The following SCRG1 variants were observed in gnomAD, a reference collection of about 807,000 sequenced individuals.
The protein encoded by SCRG1 is stimulator of chondrogenesis 1.
Under a neutral mutation model 7.7 loss-of-function variants are expected in SCRG1, and 3 were observed. The observed-to-expected ratio is 0.39, with a 90% CI of 0.18 to 1.01. The LOEUF (loss-of-function observed/expected upper bound fraction) is 1.01, where lower values mean the gene tolerates loss of function less well. Among genes scored for constraint, SCRG1 ranks in the 50% least tolerant of loss-of-function variants. The pLI, the probability that SCRG1 is intolerant of heterozygous loss-of-function variation, is 0.36. For missense variants in SCRG1, 110 were observed against 117.2 expected (o/e 0.94, Z 0.28); for synonymous variants, 46 against 41.2 (o/e 1.12, Z -0.44).
the SCRG1 span, among the ~76,000 whole-genome samples, chr4:173,463,585 T>C: frequency 6.6e-6 from 1 of 152,224 alleles, no homozygotes; most frequent in Non-Finnish European, 1.5e-5. Flanking sequence ...AAAGAAAGGC[T>C]GTACCATTGA....
chr4:173,469,729 C>T, the SCRG1 span: 10 of 152,198 alleles, frequency 6.6e-5, no homozygotes, highest in Non-Finnish European at 1.5e-4. Flanking sequence ...GGAGAAGAAA[C>T]CATCCTCCCA....
the SCRG1 span, among the ~76,000 whole-genome samples, chr4:173,516,912 A>C: frequency 6.6e-6 from 1 of 152,218 alleles, no homozygotes; most frequent in Non-Finnish European, 1.5e-5. Context: ...GGGGGCCGAG[A>C]GAGCGGTGAT....
the SCRG1 span, among the ~76,000 whole-genome samples, chr4:173,514,078 G>T: frequency 6.6e-6 from 1 of 152,140 alleles, no homozygotes; most frequent in Non-Finnish European, 1.5e-5. Flanking sequence ...TGAAAAACAT[G>T]CAATAACTTT....
chr4:173,477,328 C>T, the SCRG1 span, among the ~76,000 whole-genome samples: 1 of 152,162 alleles, frequency 6.6e-6, no homozygotes, highest in African/African-American at 2.4e-5. Context: ...GTGTGACTCA[C>T]AGCTTTCTTA....
chr4:173,400,574 TA>T (rs1327251091), upstream of SCRG1, among the ~76,000 whole-genome samples: 1 of 152,208 alleles, frequency 6.6e-6, no homozygotes, highest in African/African-American at 2.4e-5. Context: ...CTCAACTAAA[TA>T]ACTAATGCAG....
chr4:173,488,564 G>T, the SCRG1 span, among the ~76,000 whole-genome samples: 1 of 152,190 alleles, frequency 6.6e-6, no homozygotes, highest in South Asian at 2.1e-4. Context: ...GACAGTCAAA[G>T]TTCAGAGGTA....
the SCRG1 span, among the ~76,000 whole-genome samples, chr4:173,483,766 TATG>T: frequency 9.4e-5 from 3 of 32,034 alleles, 1 homozygote; most frequent in African/African-American, 1.6e-4. Context: ...ATATCATATA[TATG>T]ATATATGATA....
the SCRG1 span, among the ~76,000 whole-genome samples, chr4:173,411,866 G>A: frequency 6.6e-6 from 1 of 152,300 alleles, no homozygotes; most frequent in Admixed American, 6.5e-5. Context: ...TCCTTGTGTC[G>A]ATGGTTATTA....
At chr4:173,491,773 T>G in the SCRG1 span, among the ~76,000 whole-genome samples, 3 of 152,144 alleles carry the variant, frequency 2.0e-5, no homozygotes, top group Non-Finnish European at 2.9e-5. Context: ...AAGTGAAAAC[T>G]CACCATCTTA....
the SCRG1 span, among the ~76,000 whole-genome samples, chr4:173,436,567 C>T: frequency 6.6e-6 from 1 of 152,178 alleles, no homozygotes; most frequent in Non-Finnish European, 1.5e-5. Flanking sequence ...TAAGTTCCAT[C>T]AACATTCACC....
the SCRG1 span, among the ~76,000 whole-genome samples, chr4:173,417,522 T>C: frequency 6.6e-6 from 1 of 152,134 alleles, no homozygotes; most frequent in Non-Finnish European, 1.5e-5. Context: ...TATAAGCCAG[T>C]TATTGTGCTA....
At chr4:173,482,071 T>C in the SCRG1 span, among the ~76,000 whole-genome samples, 12 of 152,156 alleles carry the variant, frequency 7.9e-5, no homozygotes, top group African/African-American at 2.7e-4. Flanking sequence ...ATTATCTTGA[T>C]TTGGTGGTTG....
At chr4:173,513,412 T>C in the SCRG1 span, among the ~76,000 whole-genome samples, 1 of 152,160 alleles carries the variant, frequency 6.6e-6, no homozygotes, top group Non-Finnish European at 1.5e-5. Context: ...TATTTAAACT[T>C]AAAGTACATG....
At chr4:173,450,246 A>C in the SCRG1 span, among the ~76,000 whole-genome samples, 2 of 152,176 alleles carry the variant, frequency 1.3e-5, no homozygotes. Context: ...GTAAACCATG[A>C]GGGAAACCGC....
upstream of SCRG1, chr4:173,399,612 T>C (rs922740941): frequency 3.9e-5 from 6 of 152,244 alleles, no homozygotes; most frequent in Admixed American, 6.5e-5. Context: ...AAAATCCTGG[T>C]AGAAGATACG....
chr4:173,458,840 G>C, the SCRG1 span, among the ~76,000 whole-genome samples: 1 of 151,882 alleles, frequency 6.6e-6, no homozygotes, highest in Non-Finnish European at 1.5e-5. Context: ...AAAAAAACAT[G>C]ACCCACCTAT....
At chr4:173,484,687 T>TTATATATTATATGCATATAATACA in the SCRG1 span, among the ~76,000 whole-genome samples, 3 of 96,438 alleles carry the variant, frequency 3.1e-5, no homozygotes, top group Non-Finnish European at 5.4e-5. Flanking sequence ...ATAATATATA[T>TTATATATTATATGCATATAATACA]TATATATTAT....
At chr4:173,416,563 A>T in the SCRG1 span, among the ~76,000 whole-genome samples, 2 of 152,228 alleles carry the variant, frequency 1.3e-5, no homozygotes, top group Non-Finnish European at 2.9e-5. Context: ...GGCTGCAGGG[A>T]GCTATGATTG....
chr4:173,391,275 T>C lies in SCRG1; in HGVS notation c.140A>G (p.Asp47Gly). The C allele has an allele frequency of 1.9e-6, 3 of 1,614,166 alleles. No individual in the cohort carries two copies. The highest frequency in any genetic ancestry group is 2.5e-6 in the Non-Finnish European group (3 of 1,180,016). The change falls in exon 2 of 3, where the codon GAC becomes GGC. Residue 47 changes from aspartate (D) to glycine (G), a missense_variant. Asp to Gly is a moderately conservative substitution (Grantham distance 94). Transcript: ENST00000296506. ...NCHNLPEGVADLTQIDVNVQD... is the reference protein window; with the variant it reads ...NCHNLPEGVAGLTQIDVNVQD... Reference sequence around the variant, plus strand: ...GACATTGACATCAATCTGTGTCAGGTCAGCTACTCCTTCCGGAAGGTTGTG... The same window carrying C: ...GACATTGACATCAATCTGTGTCAGGCCAGCTACTCCTTCCGGAAGGTTGTG...
Sources: gnomAD v4.1 joint callset for allele counts (sites outside exome capture counted in the v4.1 genomes callset) on GRCh38, gnomAD v4.1.1 for gene constraint, MANE v1.5 for transcripts, NCBI Gene and HGNC (gene_info 2026-07-23, HGNC 2026-07-21) for gene names.